Variants in THRB observed in about 807,000 individuals in gnomAD.
THRB encodes the protein thyroid hormone receptor beta.
In THRB, 12 loss-of-function variants were observed where a neutral mutation model predicts 47.8. That is an observed-to-expected ratio of 0.25 (90% CI 0.16 to 0.41). The LOEUF (loss-of-function observed/expected upper bound fraction) is 0.41, where lower values mean the gene tolerates loss of function less well. Among genes scored for constraint, THRB ranks in the 10% least tolerant of loss-of-function variants. The pLI is 1.00. For synonymous variants in THRB, 218 were observed against 212.2 expected (o/e 1.03, Z -0.24); for missense variants, 348 against 589.2 (o/e 0.59, Z 4.24).
intron 1 of THRB, among the ~76,000 whole-genome samples, chr3:24,449,301 T>G (rs1437544847): frequency 3.3e-5 from 5 of 152,176 alleles, no homozygotes; most frequent in Non-Finnish European, 7.3e-5. Context: ...GACCCATTTC[T>G]GACAGCAGGG....
At chr3:24,222,044 A>C (rs1298680361) in intron 4 of THRB, among the ~76,000 whole-genome samples, 1 of 152,194 alleles carries the variant, frequency 6.6e-6, no homozygotes, top group Non-Finnish European at 1.5e-5. Flanking sequence ...TTCATGAGGA[A>C]AAAAGGAGCA....
chr3:24,354,440 T>C (rs1261967622), intron 1 of THRB, among the ~76,000 whole-genome samples: 1 of 152,152 alleles, frequency 6.6e-6, no homozygotes, highest in Admixed American at 6.6e-5. Context: ...TATGTTTACT[T>C]TGGAAGAACA....
chr3:24,148,284 A>G (rs574886266), intron 6 of THRB, among the ~76,000 whole-genome samples: 2 of 152,060 alleles, frequency 1.3e-5, no homozygotes, highest in South Asian at 2.1e-4. Context: ...GTGCTACCAC[A>G]CCTGGCTAAT....
intron 3 of THRB, among the ~76,000 whole-genome samples, chr3:24,233,211 A>G (rs1267857794): frequency 1.3e-5 from 2 of 152,228 alleles, no homozygotes; most frequent in African/African-American, 4.8e-5. Context: ...AAATGGAATT[A>G]TTATCAACAC....
At chr3:24,136,986 C>T (rs1025121851) in intron 8 of THRB, among the ~76,000 whole-genome samples, 3 of 152,238 alleles carry the variant, frequency 2.0e-5, no homozygotes, top group African/African-American at 7.2e-5. Flanking sequence ...AGACCCAACT[C>T]AAGTTCTATC....
At chr3:24,304,177 CATATT>C (rs1485141137) in intron 2 of THRB, among the ~76,000 whole-genome samples, 1 of 152,080 alleles carries the variant, frequency 6.6e-6, no homozygotes, top group African/African-American at 2.4e-5. Context: ...ATTTGAACGA[CATATT>C]CTACACACTC....
chr3:24,378,452 A>G (rs1346907907), intron 1 of THRB, among the ~76,000 whole-genome samples: 2 of 152,176 alleles, frequency 1.3e-5, no homozygotes, highest in Non-Finnish European at 2.9e-5. Flanking sequence ...CAAAGAGACT[A>G]TGTTACCTAT....
chr3:24,310,749 A>G (rs1361423868), intron 2 of THRB, among the ~76,000 whole-genome samples: 1 of 152,152 alleles, frequency 6.6e-6, no homozygotes, highest in East Asian at 1.9e-4. Flanking sequence ...GGGTTTCTCT[A>G]TTGGCATCTA....
chr3:24,220,482 C>A (rs192531455), intron 4 of THRB, among the ~76,000 whole-genome samples: 55 of 152,246 alleles, frequency 3.6e-4, no homozygotes, highest in African/African-American at 1.3e-3. Context: ...CAGAGTGAGA[C>A]CCTGTCTCAA....
At chr3:24,376,464 T>G (rs945814388) in intron 1 of THRB, among the ~76,000 whole-genome samples, 1 of 152,114 alleles carries the variant, frequency 6.6e-6, no homozygotes, top group African/African-American at 2.4e-5. Flanking sequence ...TAGAAACATG[T>G]ATAGGGGGTT....
At chr3:24,151,574 T>G (rs1286337028) in intron 6 of THRB, among the ~76,000 whole-genome samples, 1 of 152,244 alleles carries the variant, frequency 6.6e-6, no homozygotes, top group Non-Finnish European at 1.5e-5. Flanking sequence ...ACTTCTTTAT[T>G]TATGAAACAT....
intron 1 of THRB, among the ~76,000 whole-genome samples, chr3:24,347,098 A>G (rs2063066692): frequency 6.6e-6 from 1 of 152,040 alleles, no homozygotes; most frequent in Non-Finnish European, 1.5e-5. Flanking sequence ...AAATAACTAA[A>G]AATTACACAA....
chr3:24,342,718 T>C (rs2062757529), intron 1 of THRB, among the ~76,000 whole-genome samples: 1 of 152,020 alleles, frequency 6.6e-6, no homozygotes, highest in African/African-American at 2.4e-5. Flanking sequence ...CAAGGTACCA[T>C]ACAAGGTGTT....
chr3:24,367,418 C>A (rs139009666), intron 1 of THRB, among the ~76,000 whole-genome samples: 55 of 152,118 alleles, frequency 3.6e-4, no homozygotes, highest in African/African-American at 1.2e-3. Context: ...GGATTAGCAG[C>A]GACATGAAAT....
chr3:24,432,785 A>T (rs2070575402), intron 1 of THRB, among the ~76,000 whole-genome samples: 1 of 152,042 alleles, frequency 6.6e-6, no homozygotes, highest in African/African-American at 2.4e-5. Context: ...ACTGAGGCTG[A>T]TTTAAGGTTT....
chr3:24,301,913 G>A (rs1476652536), intron 2 of THRB, among the ~76,000 whole-genome samples: 1 of 152,178 alleles, frequency 6.6e-6, no homozygotes, highest in Non-Finnish European at 1.5e-5. Flanking sequence ...TGAAGATGGA[G>A]GAAGGAAGCC....
intron 1 of THRB, among the ~76,000 whole-genome samples, chr3:24,467,946 C>G (rs2074279922): frequency 6.6e-6 from 1 of 152,228 alleles, no homozygotes; most frequent in Admixed American, 6.5e-5. Flanking sequence ...AGATTGGCCT[C>G]TTCTTCCAAC....
At chr3:24,382,367 A>G (rs1255147714) in intron 1 of THRB, among the ~76,000 whole-genome samples, 3 of 152,144 alleles carry the variant, frequency 2.0e-5, no homozygotes, top group African/African-American at 4.8e-5. Flanking sequence ...CAAAGGATTA[A>G]TATTCTTAAT....
chr3:24,320,434 G>A (rs935614831), intron 2 of THRB, among the ~76,000 whole-genome samples: 26 of 152,168 alleles, frequency 1.7e-4, no homozygotes, highest in African/African-American at 6.0e-4. Context: ...CAGGACAAAT[G>A]TTTGGGTGCA....
Sources: allele counts gnomAD v4.1 joint callset (sites outside exome capture counted in the v4.1 genomes callset), GRCh38; gene constraint gnomAD v4.1.1; transcripts MANE v1.5; gene names NCBI Gene and HGNC (gene_info 2026-07-23, HGNC 2026-07-21).